Variants in TRPM3 observed in about 807,000 individuals in gnomAD.
TRPM3 encodes the protein transient receptor potential cation channel subfamily M member 3.
A neutral mutation model predicts 181.2 loss-of-function variants in TRPM3; 77 were observed. The observed-to-expected ratio is 0.42, with a 90% CI of 0.35 to 0.51. The LOEUF is 0.51. Ranked by LOEUF, TRPM3 falls within the 20% of genes least tolerant of loss-of-function variation. The pLI is 0.01. For missense variants in TRPM3, 1,759 were observed against 2,196.7 expected, an observed-to-expected ratio of 0.80 and a Z score of 3.98; for synonymous variants, 745 against 796.4, an observed-to-expected ratio of 0.94 and a Z score of 1.09.
chr9:70,780,465 A>C (rs555251930), intron 7 of TRPM3, among the ~76,000 whole-genome samples: 1 of 152,152 alleles, frequency 6.6e-6, no homozygotes, highest in Non-Finnish European at 1.5e-5. Flanking sequence ...AAACATTTCC[A>C]ACACTGTTGG....
At chr9:70,975,776 T>A (rs1020901797) in intron 1 of TRPM3, among the ~76,000 whole-genome samples, 8 of 152,172 alleles carry the variant, frequency 5.3e-5, no homozygotes, top group Non-Finnish European at 1.5e-5. Context: ...AACATACTCG[T>A]TGGAACCAGA....
chr9:71,395,402 G>C (rs919299240), intron 1 of TRPM3, among the ~76,000 whole-genome samples: 6 of 152,178 alleles, frequency 3.9e-5, no homozygotes, highest in Non-Finnish European at 5.9e-5. Context: ...ATTCTAAGTA[G>C]TTTCTTATTG....
At chr9:70,921,519 G>C (rs1252016848) in intron 1 of TRPM3, among the ~76,000 whole-genome samples, 1 of 152,214 alleles carries the variant, frequency 6.6e-6, no homozygotes, top group Admixed American at 6.5e-5. Context: ...TTTGGTGAGA[G>C]AGTGCTGAAG....
chr9:71,376,148 A>G (rs1326097457), intron 1 of TRPM3, among the ~76,000 whole-genome samples: 1 of 151,982 alleles, frequency 6.6e-6, no homozygotes, highest in Non-Finnish European at 1.5e-5. Flanking sequence ...GTGGGGTGAT[A>G]TTGCAAATTT....
At chr9:70,637,763 A>G (rs568995465) in intron 11 of TRPM3, among the ~76,000 whole-genome samples, 3 of 152,048 alleles carry the variant, frequency 2.0e-5, no homozygotes, top group Non-Finnish European at 4.4e-5. Flanking sequence ...ATTGTGAAAA[A>G]TGAGGGGTAG....
At chr9:71,131,253 A>C (rs997521259) in intron 1 of TRPM3, among the ~76,000 whole-genome samples, 2 of 152,184 alleles carry the variant, frequency 1.3e-5, no homozygotes, top group African/African-American at 4.8e-5. Flanking sequence ...TCTTCATGAG[A>C]TTAGCTCCTT....
At chr9:71,039,810 A>G (rs947096136) in intron 1 of TRPM3, among the ~76,000 whole-genome samples, 1 of 152,184 alleles carries the variant, frequency 6.6e-6, no homozygotes, top group Admixed American at 6.5e-5. Flanking sequence ...TATACCCTGT[A>G]TCATTATCAT....
rs1565257120 is a variant in TRPM3, at chr9:71,130,976, G to C, written c.184-266465C>G. Among the ~76,000 whole-genome samples the C allele has an allele frequency of 2.0e-5, 3 of 152,150 alleles. No homozygotes were observed. The South Asian group carries it at 6.2e-4, about 32-fold the overall frequency. On this transcript the variant is annotated intron_variant, in intron 1 of 24. Transcript: ENST00000357533. ...GCTACAGATCAGATGAGAGCATGAT[G>C]TATTTACTTTTATGAAAACACCACA...
At chr9:70,879,990 A>G (rs2095955725) in intron 1 of TRPM3, among the ~76,000 whole-genome samples, 1 of 152,124 alleles carries the variant, frequency 6.6e-6, no homozygotes, top group African/African-American at 2.4e-5. Context: ...ATTCTGCATT[A>G]CAGATTACAT....
intron 6 of TRPM3, among the ~76,000 whole-genome samples, chr9:70,791,266 A>C (rs2085324964): frequency 6.6e-6 from 1 of 152,146 alleles, no homozygotes; most frequent in Non-Finnish European, 1.5e-5. Flanking sequence ...CTTGCACCTA[A>C]ATTGATGCTC....
rs187362170 is a variant in TRPM3, at chr9:71,017,549, C to T, written c.177+103629G>A. Among the ~76,000 whole-genome samples, 164 of 151,534 alleles carry T rather than the reference C, an allele frequency of 1.1e-3. 2 individuals are homozygous for T. In the East Asian group the frequency reaches 0.011, roughly 11 times the overall value. On this transcript the variant is annotated intron_variant, in intron 1 of 25. Transcript: ENST00000677713. Reference sequence around the variant, plus strand: ...AAATATATTCCATACAAATATGACACAAAGAAAGACAGGCTAATATCAGAC... The same window carrying T: ...AAATATATTCCATACAAATATGACATAAAGAAAGACAGGCTAATATCAGAC...
At chr9:70,864,180 GT>G (rs1311952124) in intron 2 of TRPM3, among the ~76,000 whole-genome samples, 1 of 151,906 alleles carries the variant, frequency 6.6e-6, no homozygotes, top group Non-Finnish European at 1.5e-5. Context: ...ATAATCCACT[GT>G]TATATACAGT....
chr9:70,530,877 T>C lies in TRPM3; in HGVS notation c.*5076A>G, dbSNP rs1396042521. 1 of 152,180 alleles carries C rather than the reference T, an allele frequency of 6.6e-6. No homozygotes were observed. The highest frequency in any genetic ancestry group is 2.4e-5 in the African/African-American group (1 of 41,440). The allele number at this position is 152,180 out of a possible 1,614,324, so 9.4% of individuals were successfully genotyped here. ...GCAGTCATTTTCAAAACTGTGCAAA[T>C]TGGCTCCTCTCTTTAACAGATGTTG... On this transcript the variant is annotated 3_prime_UTR_variant, in exon 26 of 26. Transcript: ENST00000677713.
At chr9:70,541,055 T>G (rs1184443838) in intron 25 of TRPM3, among the ~76,000 whole-genome samples, 2 of 152,158 alleles carry the variant, frequency 1.3e-5, no homozygotes, top group African/African-American at 4.8e-5. Context: ...CCTGGTTGCC[T>G]GGACGTAGGC....
chr9:70,747,795 T>C (rs556243448), intron 8 of TRPM3, among the ~76,000 whole-genome samples: 1 of 152,010 alleles, frequency 6.6e-6, no homozygotes, highest in African/African-American at 2.4e-5. Context: ...GGATGCATTG[T>C]TAGGGGGATA....
At chr9:70,910,377 T>TG (rs112389059) in intron 1 of TRPM3, among the ~76,000 whole-genome samples, 2,397 of 152,218 alleles carry the variant, frequency 0.016, 68 homozygotes, top group African/African-American at 0.055. Flanking sequence ...ATGATTATTT[T>TG]GGGGGAGGAG....
intron 1 of TRPM3, among the ~76,000 whole-genome samples, chr9:70,949,663 C>T (rs555730968): frequency 1.4e-4 from 22 of 152,090 alleles, no homozygotes; most frequent in African/African-American, 3.9e-4. Flanking sequence ...CTTAGTCTCC[C>T]GAGTAGCTGG....
chr9:70,653,638 A>G (rs1423055049), intron 9 of TRPM3, among the ~76,000 whole-genome samples: 1 of 151,470 alleles, frequency 6.6e-6, no homozygotes, highest in African/African-American at 2.4e-5. Flanking sequence ...AACAAACCCA[A>G]AACACTATGC....
intron 1 of TRPM3, among the ~76,000 whole-genome samples, chr9:70,971,302 C>T (rs77902767): frequency 8.1e-4 from 124 of 152,292 alleles, no homozygotes; most frequent in African/African-American, 2.9e-3. Flanking sequence ...TTTCTGCTCC[C>T]TCAGCCACTC....
Sources: gnomAD v4.1 joint callset for allele counts (sites outside exome capture counted in the v4.1 genomes callset) on GRCh38, gnomAD v4.1.1 for gene constraint, MANE v1.5 for transcripts, NCBI Gene and HGNC (gene_info 2026-07-23, HGNC 2026-07-21) for gene names.